Variants in STIM2 observed in about 807,000 individuals in gnomAD.
The protein encoded by STIM2 is stromal interaction molecule 2.
Under a neutral mutation model 85.8 loss-of-function variants are expected in STIM2, and 31 were observed. The ratio of observed to expected loss-of-function variants is 0.36; its 90% confidence interval spans 0.27 to 0.49. STIM2 has a LOEUF of 0.49. Ranked by LOEUF, STIM2 falls within the 20% of genes least tolerant of loss-of-function variation. The pLI, the probability that STIM2 is intolerant of heterozygous loss-of-function variation, is 0.98. For synonymous variants in STIM2, 356 were observed against 331.1 expected (o/e 1.08, Z -0.82); for missense variants, 841 against 927.6 (o/e 0.91, Z 1.21).
intron 3 of STIM2, among the ~76,000 whole-genome samples, chr4:26,992,560 A>G (rs901584583): frequency 1.3e-5 from 2 of 152,096 alleles, no homozygotes; most frequent in Admixed American, 6.6e-5. Context: ...TTATATAGTA[A>G]TGTTCAGAAA....
chr4:26,861,493 A>G (rs1488603634), intron 1 of STIM2, 124 bp downstream of exon 1: 2 of 1,215,356 alleles, frequency 1.6e-6, no homozygotes, highest in Middle Eastern at 3.2e-4. Flanking sequence ...CGCGATGCGG[A>G]GCCCTGCCTG....
intron 3 of STIM2, among the ~76,000 whole-genome samples, chr4:26,984,799 A>G (rs964764519): frequency 6.6e-6 from 1 of 152,356 alleles, no homozygotes; most frequent in African/African-American, 2.4e-5. Flanking sequence ...GCCTTCCCTC[A>G]GTGTCCCCTG....
intron 7 of STIM2, among the ~76,000 whole-genome samples, chr4:27,005,807 G>A (rs1672042937): frequency 6.6e-6 from 1 of 152,148 alleles, no homozygotes; most frequent in African/African-American, 2.4e-5. Context: ...TATGTTAAAT[G>A]TGTTTCCTTT....
chr4:26,932,344 A>G lies in STIM2; in HGVS notation c.282+12710A>G, dbSNP rs538725225. ...CAAACTGTCTCTTAAGTTTGGCATA[A>G]TGTAAGTGGTCAGTCGGTTTTTGTT... On this transcript the variant is annotated intron_variant, in intron 2 of 11. Coordinates refer to ENST00000467087, the MANE Select transcript of STIM2 (RefSeq NM_020860.4). 3.6e-4 allele frequency among the ~76,000 whole-genome samples: 55 copies of G among 152,328 alleles called. 1 individual carries two copies. In the Middle Eastern group the frequency reaches 0.01, roughly 28 times the overall value.
chr4:27,017,942 A>G lies in STIM2; in HGVS notation c.1721A>G (p.Glu574Gly). ...AGTTGCCCTGCGCTTTATCGAAATG[A>G]AGAGGAGGAAGAGGCCATTTACTTC... The change falls in exon 11 of 12, where the codon GAA becomes GGA. Residue 574 changes from glutamate to glycine, a missense_variant. Around this residue, in one of 3 missense-constraint regions of STIM2, gnomAD observed 293 missense variants for 284.5 expected, o/e 1.03. Coordinates refer to ENST00000467087, the MANE Select transcript of STIM2 (RefSeq NM_020860.4). 1 of 1,614,134 alleles carries G rather than the reference A, an allele frequency of 6.2e-7. No individual in the cohort carries two copies.
At chr4:26,930,155 A>G (rs927544029) in intron 2 of STIM2, among the ~76,000 whole-genome samples, 7 of 152,270 alleles carry the variant, frequency 4.6e-5, no homozygotes, top group Non-Finnish European at 8.8e-5. Flanking sequence ...TGAATTGTTG[A>G]TTGCATTCAA....
intron 3 of STIM2, among the ~76,000 whole-genome samples, chr4:26,960,387 A>ATG (rs1001717188): frequency 5.2e-4 from 79 of 152,112 alleles, no homozygotes; most frequent in Admixed American, 6.5e-4. Context: ...ATGTATATAT[A>ATG]TGTATATATA....
intron 1 of STIM2, chr4:26,874,054 T>A: frequency 1.5e-6 from 1 of 665,128 alleles, no homozygotes; most frequent in Non-Finnish European, 2.9e-6. Flanking sequence ...TCCTGGATTC[T>A]CTGGGACTTG....
intron 4 of STIM2, among the ~76,000 whole-genome samples, chr4:26,997,019 T>C (rs1292751152): frequency 6.6e-6 from 1 of 152,142 alleles, no homozygotes; most frequent in African/African-American, 2.4e-5. Context: ...AACATGTTAC[T>C]ATAGAAAAAC....
rs560356253 is a variant in STIM2 at position 26,995,478 on chromosome 4, C to T, written c.497C>T (p.Thr166Met). The change falls in exon 4 of 12, where the codon ACG becomes ATG. Residue 166 changes from threonine (T) to methionine (M), a missense_variant. Transcript: ENST00000467087. Reference sequence around the variant, plus strand: ...TTTAGAGACAACAATGTCAAAGGAACGACACTTCCCAGGTGAGTCTTTGTT... The same window carrying T: ...TTTAGAGACAACAATGTCAAAGGAATGACACTTCCCAGGTGAGTCTTTGTT... The T allele has an allele frequency of 6.9e-6, 11 of 1,594,352 alleles. No individual in the cohort carries two copies. Among genetic ancestry groups the T allele is most frequent in the Middle Eastern group, 1.7e-4 (1 of 5,996 alleles).
chr4:26,929,671 T>C (rs758460463), intron 2 of STIM2, among the ~76,000 whole-genome samples: 69 of 152,228 alleles, frequency 4.5e-4, no homozygotes, highest in Non-Finnish European at 8.2e-4. Flanking sequence ...TATTTGGTCA[T>C]ATGAAAAATT....
At position 27,003,235 on chromosome 4, in the gene STIM2, G is replaced by C. The variant is rs1728219995; in HGVS notation, c.981+131G>C. ...TCCTCAGTTGATAAAAGACTCATTT[G>C]TTTATGTTGTTAGCATTGATCAAAG... is the stretch of plus-strand genomic sequence containing the variant. On this transcript the variant is annotated intron_variant, in intron 7 of 11. Coordinates refer to ENST00000467087, the MANE Select transcript of STIM2 (RefSeq NM_020860.4). The C allele has an allele frequency of 9.7e-6, 8 of 822,440 alleles. No individual in the cohort carries two copies. The South Asian group carries it at 1.8e-4, about 18-fold the overall frequency. 50.9% of individuals were successfully genotyped at this position (822,440 alleles called of 1,614,324 possible).
rs191247223 is a variant in STIM2 at position 26,874,347 on chromosome 4, C to T, written c.151+12978C>T. 95 of 290,040 alleles carry T rather than the reference C, an allele frequency of 3.3e-4. No individual in the cohort carries two copies. In the East Asian group the frequency reaches 7.6e-3, roughly 23 times the overall value. 18.0% of individuals were successfully genotyped at this position (290,040 alleles called of 1,614,324 possible). A position where few individuals can be genotyped will look rare whatever the true frequency, so the allele number is the denominator to read the frequency against. Reference sequence around the variant, plus strand: ...CCCCTACACCCTGCCGCTGAGAAGCCATCTGCCTGCCCAAGAGTCTTGTCT... The same window carrying T: ...CCCCTACACCCTGCCGCTGAGAAGCTATCTGCCTGCCCAAGAGTCTTGTCT... On this transcript the variant is annotated intron_variant, in intron 1 of 11. Coordinates refer to ENST00000467087, the MANE Select transcript of STIM2 (RefSeq NM_020860.4).
intron 1 of STIM2, among the ~76,000 whole-genome samples, chr4:26,862,641 C>T (rs1722263080): frequency 6.6e-6 from 1 of 152,144 alleles, no homozygotes; most frequent in Admixed American, 6.5e-5. Context: ...TTTAACTTTA[C>T]CCTGAAGCAT....
chr4:26,938,642 T>C (rs2040440265), intron 2 of STIM2, among the ~76,000 whole-genome samples: 1 of 152,182 alleles, frequency 6.6e-6, no homozygotes, highest in Non-Finnish European at 1.5e-5. Context: ...TGGATTGTCG[T>C]AAGGTAAAGT....
intron 3 of STIM2, among the ~76,000 whole-genome samples, chr4:26,989,266 T>A (rs1727682504): frequency 6.6e-6 from 1 of 152,180 alleles, no homozygotes; most frequent in African/African-American, 2.4e-5. Context: ...GTGGTCTAGA[T>A]CAATTTTATT....
At chr4:26,972,831 G>C (rs1011551185) in intron 3 of STIM2, among the ~76,000 whole-genome samples, 6 of 152,258 alleles carry the variant, frequency 3.9e-5, no homozygotes, top group Middle Eastern at 3.4e-3. Context: ...GCTCCTCTTT[G>C]TACCTCTGGT....
chr4:26,979,465 C>G (rs1400421321), intron 3 of STIM2, among the ~76,000 whole-genome samples: 1 of 152,158 alleles, frequency 6.6e-6, no homozygotes, highest in Non-Finnish European at 1.5e-5. Flanking sequence ...ACACTTTGTA[C>G]TGAAGCTTAA....
At chr4:26,931,254 C>T (rs1168013792) in intron 2 of STIM2, among the ~76,000 whole-genome samples, 3 of 152,040 alleles carry the variant, frequency 2.0e-5, no homozygotes, top group African/African-American at 4.8e-5. Context: ...CTGGAAGTGA[C>T]GTCCCATCAC....
Sources: gnomAD v4.1 joint callset for allele counts (sites outside exome capture counted in the v4.1 genomes callset) on GRCh38, gnomAD v4.1.1 for gene constraint, gnomAD v4.1.1 regional missense constraint, MANE v1.5 for transcripts, NCBI Gene and HGNC (gene_info 2026-07-23, HGNC 2026-07-21) for gene names.